The following WDPCP variants were observed in gnomAD, a reference collection of about 807,000 sequenced individuals.
WDPCP encodes WD repeat containing planar cell polarity effector, also known as WD repeat-containing and planar cell polarity effector protein fritz homolog.
A neutral mutation model predicts 93.1 loss-of-function variants in WDPCP; 71 were observed. The ratio of observed to expected loss-of-function variants is 0.76; its 90% confidence interval spans 0.63 to 0.93. The LOEUF (loss-of-function observed/expected upper bound fraction) is 0.93, where lower values mean the gene tolerates loss of function less well. Among genes scored for constraint, WDPCP ranks in the 40% least tolerant of loss-of-function variants. The probability of loss-of-function intolerance (pLI) is 0.00; values close to 1 mark genes in which losing one functional copy is unlikely to be tolerated. For missense variants in WDPCP, 844 were observed against 887.4 expected, an observed-to-expected ratio of 0.95 and a Z score of 0.62; for synonymous variants, 315 against 315.0, an observed-to-expected ratio of 1.00 and a Z score of 0.00.
intron 2 of WDPCP, among the ~76,000 whole-genome samples, chr2:63,489,888 C>T (rs1343370235): frequency 2.0e-5 from 3 of 151,818 alleles, no homozygotes; most frequent in African/African-American, 7.3e-5. Context: ...AAGAAAGTAA[C>T]TTTGCAGTGG....
At chr2:63,399,975 A>G (rs1448453537) in intron 10 of WDPCP, among the ~76,000 whole-genome samples, 2 of 152,236 alleles carry the variant, frequency 1.3e-5, no homozygotes, top group Admixed American at 1.3e-4. Context: ...ATGAAAAAAT[A>G]AAGTAAATTG....
intron 4 of WDPCP, among the ~76,000 whole-genome samples, chr2:63,485,970 A>AT (rs1700550680): frequency 6.6e-6 from 1 of 151,760 alleles, no homozygotes; most frequent in Non-Finnish European, 1.5e-5. Context: ...CTAATACATT[A>AT]TTTTTTAAAA....
chr2:63,285,180 C>T (rs1683886636), intron 13 of WDPCP, among the ~76,000 whole-genome samples: 1 of 152,156 alleles, frequency 6.6e-6, no homozygotes. Context: ...CCTATAATCC[C>T]AGCACTTTGG....
intron 1 of WDPCP, among the ~76,000 whole-genome samples, chr2:63,512,395 A>G (rs1003832814): frequency 1.3e-5 from 2 of 152,240 alleles, no homozygotes; most frequent in Non-Finnish European, 2.9e-5. Flanking sequence ...TACTGGATAT[A>G]TACCCAAAGG....
chr2:63,636,711 G>T (rs1319023982), intron 3 of WDPCP, among the ~76,000 whole-genome samples: 1 of 152,084 alleles, frequency 6.6e-6, no homozygotes, highest in Admixed American at 6.6e-5. Flanking sequence ...TACAATACTG[G>T]CCTAAAAACA....
At chr2:63,352,465 T>C (rs1177018564) in intron 12 of WDPCP, among the ~76,000 whole-genome samples, 2 of 152,242 alleles carry the variant, frequency 1.3e-5, no homozygotes, top group African/African-American at 4.8e-5. Context: ...CAGAAATCAA[T>C]GTGAAACCAT....
chr2:63,161,703 C>T (rs996301177), intron 15 of WDPCP, among the ~76,000 whole-genome samples: 2 of 151,482 alleles, frequency 1.3e-5, no homozygotes, highest in African/African-American at 4.8e-5. Context: ...TATAGATAAG[C>T]TTATTTTACT....
intron 2 of WDPCP, among the ~76,000 whole-genome samples, chr2:63,677,394 C>T (rs1331463166): frequency 3.3e-5 from 5 of 152,034 alleles, no homozygotes; most frequent in Non-Finnish European, 5.9e-5. Context: ...GATCCAGATA[C>T]TGAAGTTATC....
intron 2 of WDPCP, among the ~76,000 whole-genome samples, chr2:63,664,205 A>C (rs982510239): frequency 6.6e-6 from 1 of 152,346 alleles, no homozygotes. Flanking sequence ...GTGACCATCA[A>C]AGTTCTTGGT....
At position 63,179,433 on chromosome 2, in the gene WDPCP, A is replaced by G. The variant is rs149375836; in HGVS notation, c.1916-4601T>C. 1.1e-3 allele frequency among the ~76,000 whole-genome samples: 167 copies of G among 152,024 alleles called. 1 individual carries two copies. Among genetic ancestry groups the G allele is most frequent in the African/African-American group, 3.8e-3 (157 of 41,476 alleles). On this transcript the variant is annotated intron_variant, in intron 14 of 17. Coordinates refer to ENST00000272321, the MANE Select transcript of WDPCP (RefSeq NM_015910.7). ...CCATCCCCTTGGTGCTGTCTTTGCA[A>G]TAGTGAGTTCTCATGAGATCTGGCT...
intron 3 of WDPCP, among the ~76,000 whole-genome samples, chr2:63,634,488 A>AT (rs1709901478): frequency 6.6e-6 from 1 of 152,222 alleles, no homozygotes; most frequent in Non-Finnish European, 1.5e-5. Flanking sequence ...ATAAGGAAAT[A>AT]TTGTACTTGA....
chr2:63,267,134 T>C (rs1607203), intron 13 of WDPCP, among the ~76,000 whole-genome samples: 123,529 of 152,170 alleles, frequency 0.81, 50,888 homozygotes, highest in East Asian at 0.96. Flanking sequence ...AACAGACACA[T>C]TGAAGAATGG....
chr2:63,689,072 C>T (rs1668854171), intron 2 of WDPCP, among the ~76,000 whole-genome samples: 1 of 152,088 alleles, frequency 6.6e-6, no homozygotes, highest in East Asian at 1.9e-4. Flanking sequence ...CACTTCTGTT[C>T]TTTATAAATT....
intron 17 of WDPCP, among the ~76,000 whole-genome samples, chr2:63,132,596 C>T (rs999989625): frequency 6.7e-6 from 1 of 149,290 alleles, no homozygotes; most frequent in South Asian, 2.1e-4. Context: ...ATTCTTTCTT[C>T]TGTCCAAGTC....
At chr2:63,721,710 CCCTCCCCCTCCT>C (rs1397622059) in intron 2 of WDPCP, among the ~76,000 whole-genome samples, 1 of 145,456 alleles carries the variant, frequency 6.9e-6, no homozygotes, top group South Asian at 2.3e-4. Flanking sequence ...CTCCCCCTGC[CCCTCCCCCTCCT>C]CCTCCCCCTC....
chr2:63,214,445 A>G (rs1363199816), intron 14 of WDPCP, among the ~76,000 whole-genome samples: 4 of 152,230 alleles, frequency 2.6e-5, no homozygotes, highest in African/African-American at 9.6e-5. Flanking sequence ...AAAACTCTCA[A>G]TAAACTAGGT....
chr2:63,792,861 G>GA (rs1024548530), intron 2 of WDPCP, among the ~76,000 whole-genome samples: 10 of 145,012 alleles, frequency 6.9e-5, no homozygotes, highest in East Asian at 2.0e-4. Flanking sequence ...TTGTGTTTTA[G>GA]AAAAAAAAAT....
intron 3 of WDPCP, among the ~76,000 whole-genome samples, chr2:63,632,492 C>T (rs901900164): frequency 4.6e-5 from 7 of 152,046 alleles, no homozygotes; most frequent in South Asian, 2.1e-4. Flanking sequence ...AAACAATATA[C>T]GAGCAAAACG....
intron 3 of WDPCP, among the ~76,000 whole-genome samples, chr2:63,610,037 A>AT (rs34454304): frequency 1.3e-5 from 2 of 152,044 alleles, no homozygotes; most frequent in Non-Finnish European, 2.9e-5. Flanking sequence ...TCTTTATGCC[A>AT]TTTTTTTAAT....
Sources: allele counts gnomAD v4.1 joint callset (sites outside exome capture counted in the v4.1 genomes callset), GRCh38; gene constraint gnomAD v4.1.1; transcripts MANE v1.5; gene names NCBI Gene and HGNC (gene_info 2026-07-23, HGNC 2026-07-21).